Variants in SLU7 observed in about 807,000 individuals in gnomAD.
SLU7 encodes the protein spliceosome associated SLU7, also known as pre-mRNA-splicing factor SLU7.
A neutral mutation model predicts 87.0 loss-of-function variants in SLU7; 60 were observed. That is an observed-to-expected ratio of 0.69 (90% confidence interval 0.56 to 0.86). The LOEUF is 0.86. Ranked by LOEUF, SLU7 falls within the 40% of genes least tolerant of loss-of-function variation. SLU7 has a pLI of 0.00. For synonymous variants in SLU7, 197 were observed against 222.0 expected (o/e 0.89, Z 1.00); for missense variants, 507 against 686.6 (o/e 0.74, Z 2.92).
chr5:160,403,751 A>AAGCTCATC (rs1322622631), intron 15 of SLU7, among the ~76,000 whole-genome samples: 15 of 152,354 alleles, frequency 9.8e-5, no homozygotes, highest in Admixed American at 9.8e-4. Flanking sequence ...TTACTTATAC[A>AAGCTCATC]AGCTCACAAA....
rs1764793347 is a variant in SLU7, at chr5:160,401,785, C to T, written c.*1500G>A. ...TTCTTAAAGTAAATAGGAATTAAAT[C>T]TATTTGCATTGCTGTTTAATTTCAT... On this transcript the variant is annotated 3_prime_UTR_variant, in exon 16 of 16. Transcript: ENST00000297151. 2 of 152,210 alleles carry T rather than the reference C, an allele frequency of 1.3e-5. No individual in the cohort carries two copies. Among genetic ancestry groups the T allele is most frequent in the African/African-American group, 4.8e-5 (2 of 41,450 alleles). 9.4% of individuals were successfully genotyped at this position (152,210 alleles called of 1,614,324 possible).
rs528652778 is a variant in SLU7, at chr5:160,416,887, T to A, written c.-16-1577A>T. Among the ~76,000 whole-genome samples, 5 of 152,318 alleles carry A rather than the reference T, an allele frequency of 3.3e-5. No homozygotes were observed. In the South Asian group the frequency reaches 1.0e-3, roughly 32 times the overall value. The stretch of plus-strand genomic sequence containing the variant: ...GAATTGTACTCCTGTAATTCCCAAG[T>A]GTTGTGGGAGAGACCGGGTGAGAGA... On this transcript the variant is annotated intron_variant, in intron 1 of 15. Coordinates refer to ENST00000297151, the MANE Select transcript of SLU7 (RefSeq NM_006425.5).
intron 6 of SLU7, among the ~76,000 whole-genome samples, chr5:160,409,933 A>G (rs1220308333): frequency 6.6e-6 from 1 of 152,240 alleles, no homozygotes; most frequent in African/African-American, 2.4e-5. Flanking sequence ...TAGGGTGGAT[A>G]GAAACAGGGG....
In SLU7 at chr5:160,403,398, G is replaced by C. The variant is rs370833850; in HGVS notation, c.1648C>G (p.Arg550Gly). ...KETMQIDERK[R>G]PYNSMYETRE... ...GTTTCATACATGCTATTGTAAGGCCGCTTCCTCTCATCAATCTGCATGGTC... is the reference window on the plus strand; with the variant it reads ...GTTTCATACATGCTATTGTAAGGCCCCTTCCTCTCATCAATCTGCATGGTC... The change falls in exon 16 of 16, where the codon CGG becomes GGG. Residue 550 changes from arginine to glycine, a missense_variant. Arg to Gly is a moderately radical substitution (Grantham distance 125). Coordinates refer to ENST00000297151, the MANE Select transcript of SLU7 (RefSeq NM_006425.5). The C allele has an allele frequency of 1.9e-6, 3 of 1,612,942 alleles. No homozygotes were observed. The highest frequency in any genetic ancestry group is 2.5e-6 in the Non-Finnish European group (3 of 1,179,586).
chr5:160,411,212 T>C (rs896406299), intron 6 of SLU7, among the ~76,000 whole-genome samples: 6 of 151,772 alleles, frequency 4.0e-5, no homozygotes, highest in Non-Finnish European at 8.8e-5. Flanking sequence ...GGAGCAGAGA[T>C]GGATTTTGTT....
chr5:160,404,442 T>G lies in SLU7; in HGVS notation c.1579A>C (p.Lys527Gln). 6.4e-7 allele frequency: 1 copy of G among 1,555,486 alleles called. No homozygotes were observed. The highest frequency in any genetic ancestry group is 8.8e-7 in the Non-Finnish European group (1 of 1,134,960). The change falls in exon 15 of 16, where the codon AAG becomes CAG. Residue 527 changes from lysine (K) to glutamine (Q), a missense_variant and splice_region_variant. By Grantham distance (53) the Lys-to-Gln change is moderately conservative. Around this residue, in one of 6 missense-constraint regions of SLU7, gnomAD observed 201 missense variants for 213.4 expected, o/e 0.94. Coordinates refer to ENST00000297151, the MANE Select transcript of SLU7 (RefSeq NM_006425.5). ...ACTATTTAGACTTCACAAATTACCT[T>G]TTTCAATTTTTCATGCTTCTTTTCT... ...DEEKKHEKLK[K>Q]ALNAEEARLL...
Position 160,412,539 on chromosome 5 carries a change from A to AAAC in SLU7, c.571-21_571-20insGTT. 1 of 1,394,978 alleles carries AAAC rather than the reference A, an allele frequency of 7.2e-7. No individual in the cohort carries two copies. The highest frequency in any genetic ancestry group is 9.7e-7 in the Non-Finnish European group (1 of 1,034,728). The allele number at this position is 1,394,978 out of a possible 1,614,324, so 86.4% of individuals were successfully genotyped here. A position where few individuals can be genotyped will look rare whatever the true frequency, so the allele number is the denominator to read the frequency against. ...TTTTGCCTTTAAAAAAAAAAAAAAGAAAGAAAGAAAGAAAAAGTAAACATT... is the reference window on the plus strand; with the variant it reads ...TTTTGCCTTTAAAAAAAAAAAAAAGAAACAAGAAAGAAAGAAAAAGTAAACATT... On this transcript the variant is annotated intron_variant, in intron 5 of 15. Coordinates refer to ENST00000297151, the MANE Select transcript of SLU7 (RefSeq NM_006425.5).
Position 160,404,507 on chromosome 5 carries a change from TTTTTC to T in SLU7, c.1509_1513del (p.Lys504GlufsTer10), listed in dbSNP as rs779935522. On this transcript the variant is annotated frameshift_variant, in exon 15 of 16. Transcript: ENST00000297151. LOFTEE classifies it high-confidence loss of function. ...TGAACTGCTCTTTCGATGCTTCTTC[TTTTTC>T]TTTTTCTTCTTCTTCTTTTCCTCTT... The T allele has an allele frequency of 6.2e-7, 1 of 1,611,400 alleles. No homozygotes were observed. The highest frequency in any genetic ancestry group is 1.1e-5 in the South Asian group (1 of 90,996).
At position 160,408,457 on chromosome 5, in the gene SLU7, T is replaced by C; in HGVS notation, c.691A>G (p.Lys231Glu). 3 of 1,588,558 alleles carry C rather than the reference T, an allele frequency of 1.9e-6. No individual in the cohort carries two copies. The highest frequency in any genetic ancestry group is 1.2e-5 in the South Asian group (1 of 85,414). Residue 231 changes from lysine (K) to glutamate (E), a missense_variant, in exon 8 of 16, where the codon AAA becomes GAA. Physicochemically the swap from Lys to Glu is moderately conservative, Grantham distance 56 (BLOSUM62 1). Around this residue, in one of 6 missense-constraint regions of SLU7, gnomAD observed 155 missense variants for 154.4 expected, o/e 1.00. Coordinates refer to ENST00000297151, the MANE Select transcript of SLU7 (RefSeq NM_006425.5). Reference sequence around the variant, plus strand: ...TCCTCATCTTCACTATTATGATCTTTTTCCTAAAAGAGGGAGAGGAAGGAA... The same window carrying C: ...TCCTCATCTTCACTATTATGATCTTCTTCCTAAAAGAGGGAGAGGAAGGAA... ...GEEEPNSQMEKDHNSEDEDED... is the reference protein window; with the variant it reads ...GEEEPNSQMEEDHNSEDEDED...
rs776637012 is a variant in SLU7 at position 160,404,546 on chromosome 5, T to C, written c.1475A>G (p.Glu492Gly). ...CTTCTTCTTTTCCTCTTTCAGTTTT[T>C]CTTGATGCAGCTGAAAGGGAGGATT... is the stretch of plus-strand genomic sequence containing the variant. ...KPQTLMELHQ[E>G]KLKEEKKKKK... Residue 492 changes from glutamate to glycine, a missense_variant, in exon 15 of 16, where the codon GAA becomes GGA. Glu to Gly is a moderately conservative substitution (Grantham distance 98, BLOSUM62 -2). Transcript: ENST00000297151. The C allele has an allele frequency of 6.3e-7, 1 of 1,596,262 alleles. No homozygotes were observed. Among genetic ancestry groups the C allele is most frequent in the Non-Finnish European group, 8.6e-7 (1 of 1,166,392 alleles).
At chr5:160,414,990 T>C (rs1032214414) in intron 2 of SLU7, 135 bp downstream of exon 2, 4 of 685,160 alleles carry the variant, frequency 5.8e-6, no homozygotes, top group Non-Finnish European at 9.5e-6. Context: ...CATATGCATA[T>C]GAGTTTGATA....
At position 160,413,327 on chromosome 5, in the gene SLU7, C is replaced by T. The variant is rs1581071890; in HGVS notation, c.570+129G>A. 6 of 526,252 alleles carry T rather than the reference C, an allele frequency of 1.1e-5. No individual in the cohort carries two copies. The Admixed American group carries it at 1.3e-4, about 11-fold the overall frequency. The allele number at this position is 526,252 out of a possible 1,614,324, so 32.6% of individuals were successfully genotyped here. On this transcript the variant is annotated intron_variant, in intron 5 of 15. Transcript: ENST00000297151. ...ATTACAATTATAAAGGTAGCCTATA[C>T]AGTAGTACTACTATTATAAAAATGC...
At position 160,402,151 on chromosome 5, in the gene SLU7, A is replaced by C. The variant is rs937014721; in HGVS notation, c.*1134T>G. 2.6e-5 allele frequency: 4 copies of C among 152,222 alleles called. No individual in the cohort carries two copies. The highest frequency in any genetic ancestry group is 9.6e-5 in the African/African-American group (4 of 41,462). The allele number at this position is 152,222 out of a possible 1,614,324, so 9.4% of individuals were successfully genotyped here. On this transcript the variant is annotated 3_prime_UTR_variant, in exon 16 of 16. Coordinates refer to ENST00000297151, the MANE Select transcript of SLU7 (RefSeq NM_006425.5). ...TGTTTTTTTGCAAATTTTACAAACA[A>C]AGTAACAGCTGCTGGCTATAAATAT...
chr5:160,410,091 G>C (rs1297480215), intron 6 of SLU7, among the ~76,000 whole-genome samples: 1 of 152,014 alleles, frequency 6.6e-6, no homozygotes, highest in Non-Finnish European at 1.5e-5. Context: ...AAAAAAGAAG[G>C]TAATAAATGA....
intron 6 of SLU7, among the ~76,000 whole-genome samples, chr5:160,411,203 G>T (rs1765220721): frequency 6.6e-6 from 1 of 151,922 alleles, no homozygotes; most frequent in South Asian, 2.1e-4. Context: ...ATGTCTCATG[G>T]AGCAGAGATG....
intron 6 of SLU7, among the ~76,000 whole-genome samples, chr5:160,408,901 T>G (rs1765123511): frequency 6.8e-6 from 1 of 148,116 alleles, no homozygotes; most frequent in Admixed American, 6.8e-5. Flanking sequence ...AAATAAGTAT[T>G]AAGATAATAA....
At chr5:160,409,461 C>T (rs947304117) in intron 6 of SLU7, among the ~76,000 whole-genome samples, 23 of 151,924 alleles carry the variant, frequency 1.5e-4, no homozygotes, top group African/African-American at 3.6e-4. Flanking sequence ...TGCAGAAACA[C>T]GTGTATGTAT....
Position 160,412,332 on chromosome 5 carries a change from T to C in SLU7, c.639+119A>G. 9.1e-6 allele frequency: 6 copies of C among 657,824 alleles called. No homozygotes were observed. In the South Asian group the frequency reaches 1.1e-4, roughly 12 times the overall value. 40.7% of individuals were successfully genotyped at this position (657,824 alleles called of 1,614,324 possible). On this transcript the variant is annotated intron_variant, in intron 6 of 15. Coordinates refer to ENST00000297151, the MANE Select transcript of SLU7 (RefSeq NM_006425.5). The stretch of plus-strand genomic sequence containing the variant: ...GTATACAAAGTATCAGTTTTATTTT[T>C]CCCCCAATAGCATTTCTCTCTTCCT...
Position 160,413,527 on chromosome 5 carries a change from T to G in SLU7, c.499A>C (p.Arg167=). ...GGATTGTAGCCATTCCACCGATCCCTCTTCCCATCATAGTCAAACATCAGT... is the reference window on the plus strand; with the variant it reads ...GGATTGTAGCCATTCCACCGATCCCGCTTCCCATCATAGTCAAACATCAGT... ...PQLMFDYDGK[R]DRWNGYNPEE... The change falls in exon 5 of 16, where the codon AGG becomes CGG. Residue 167 remains arginine, a synonymous_variant. Transcript: ENST00000297151. 6.2e-7 allele frequency: 1 copy of G among 1,614,016 alleles called. No homozygotes were observed. Among genetic ancestry groups the G allele is most frequent in the Non-Finnish European group, 8.5e-7 (1 of 1,179,898 alleles).
Sources: gnomAD v4.1 joint callset for allele counts (sites outside exome capture counted in the v4.1 genomes callset) on GRCh38, gnomAD v4.1.1 for gene constraint, gnomAD v4.1.1 regional missense constraint, MANE v1.5 for transcripts, NCBI Gene and HGNC (gene_info 2026-07-23, HGNC 2026-07-21) for gene names.